CORIN: variants seen among roughly 807,000 people sequenced by gnomAD.
CORIN encodes atrial natriuretic peptide-converting enzyme.
In CORIN, 117 loss-of-function variants were observed where a neutral mutation model predicts 125.3. The observed-to-expected ratio is 0.93, with a 90% CI of 0.80 to 1.09. The LOEUF is 1.09. Ranked by LOEUF, CORIN falls within the 50% of genes least tolerant of loss-of-function variation. The pLI is 0.00. For synonymous variants in CORIN, 450 were observed against 466.4 expected, an observed-to-expected ratio of 0.96 and a Z score of 0.45; for missense variants, 1,253 against 1,306.7, an observed-to-expected ratio of 0.96 and a Z score of 0.63.
chr4:47,812,420 G>A (rs532087621), intron 1 of CORIN, among the ~76,000 whole-genome samples: 2 of 152,124 alleles, frequency 1.3e-5, no homozygotes, highest in Non-Finnish European at 2.9e-5. Context: ...TGGGAGGACT[G>A]CTTGAACCCA....
chr4:47,708,976 G>T (rs1461650281), intron 5 of CORIN, among the ~76,000 whole-genome samples: 1 of 152,190 alleles, frequency 6.6e-6, no homozygotes, highest in Non-Finnish European at 1.5e-5. Flanking sequence ...TGCTTTTGTA[G>T]CTATCAGCTA....
At position 47,665,244 on chromosome 4, in the gene CORIN, T is replaced by C. The variant is rs778162920; in HGVS notation, c.1377A>G (p.Thr459=). 3.1e-5 allele frequency: 50 copies of C among 1,613,280 alleles called. No individual in the cohort carries two copies. The highest frequency in any genetic ancestry group is 3.3e-4 in the Middle Eastern group (2 of 6,080). Reference sequence around the variant, plus strand: ...AGGGCAAATTCATGCAGAGTTCCAATGTAATTGGTTCACATTGACCTAACA... The same window carrying C: ...AGGGCAAATTCATGCAGAGTTCCAACGTAATTGGTTCACATTGACCTAACA... ...LNNCSQCEPI[T]LELCMNLPYN... is the part of the protein sequence containing the mutation. Residue 459 remains threonine (T), a synonymous_variant, in exon 11 of 22, where the codon ACA becomes ACG. Transcript: ENST00000273857.
At chr4:47,604,965 G>T (rs765451447) in intron 19 of CORIN, among the ~76,000 whole-genome samples, 3 of 152,192 alleles carry the variant, frequency 2.0e-5, no homozygotes, top group Non-Finnish European at 4.4e-5. Flanking sequence ...TACACCATAT[G>T]TTCATTCTCA....
At chr4:47,673,664 G>A (rs1724873861) in intron 10 of CORIN, among the ~76,000 whole-genome samples, 1 of 152,058 alleles carries the variant, frequency 6.6e-6, no homozygotes, top group African/African-American at 2.4e-5. Flanking sequence ...AGAGCCACCT[G>A]CTTACACCGT....
chr4:47,786,633 A>G (rs1730827638), intron 3 of CORIN, 92 bp downstream of exon 3: 3 of 915,518 alleles, frequency 3.3e-6, no homozygotes, highest in Non-Finnish European at 3.5e-6. Flanking sequence ...GTGACCGGCA[A>G]GTGATTGTGA....
At chr4:47,708,990 G>A (rs1726710120) in intron 5 of CORIN, among the ~76,000 whole-genome samples, 1 of 152,212 alleles carries the variant, frequency 6.6e-6, no homozygotes, top group Admixed American at 6.5e-5. Flanking sequence ...TCAGCTACAA[G>A]TGCTTGTGAC....
chr4:47,699,465 A>G (rs1189434735), intron 5 of CORIN, among the ~76,000 whole-genome samples: 2 of 152,238 alleles, frequency 1.3e-5, no homozygotes, highest in Non-Finnish European at 2.9e-5. Context: ...TTATATTCAC[A>G]GAAGATTTCC....
chr4:47,744,471 TA>T lies in CORIN; in HGVS notation c.729del (p.Phe243LeufsTer92). ...SWPDFLRCSQFRNQTESSNVS... is the reference protein window; with the variant it reads ...SWPDFLRCSQXRNQTESSNVS... Reference sequence around the variant, plus strand: ...ACATTGCTGCTTTCAGTTTGGTTTCTAAACTGGGAGCATCTGAGGAAATCCG... The same window carrying T: ...ACATTGCTGCTTTCAGTTTGGTTTCTAACTGGGAGCATCTGAGGAAATCCG... On this transcript the variant is annotated frameshift_variant, in exon 5 of 22. Transcript: ENST00000273857. LOFTEE classifies it high-confidence loss of function. 6.2e-7 allele frequency: 1 copy of T among 1,614,058 alleles called. No individual in the cohort carries two copies. Among genetic ancestry groups the T allele is most frequent in the Non-Finnish European group, 8.5e-7 (1 of 1,179,984 alleles).
chr4:47,778,964 T>C (rs1227104205), intron 3 of CORIN, among the ~76,000 whole-genome samples: 1 of 152,192 alleles, frequency 6.6e-6, no homozygotes, highest in Non-Finnish European at 1.5e-5. Context: ...AAAGAACCAA[T>C]GGCCCCTACA....
chr4:47,635,789 C>T (rs974082900), intron 16 of CORIN, among the ~76,000 whole-genome samples: 3 of 152,114 alleles, frequency 2.0e-5, no homozygotes, highest in African/African-American at 7.2e-5. Context: ...GTTTTGAAGA[C>T]AACATGAAAA....
At chr4:47,757,246 TA>T (rs1164853435) in intron 4 of CORIN, among the ~76,000 whole-genome samples, 1 of 152,096 alleles carries the variant, frequency 6.6e-6, no homozygotes, top group Non-Finnish European at 1.5e-5. Context: ...ACACATACAC[TA>T]AGTGACAGCA....
chr4:47,751,961 C>G (rs965958898), intron 4 of CORIN, among the ~76,000 whole-genome samples: 3 of 151,772 alleles, frequency 2.0e-5, no homozygotes, highest in Admixed American at 6.6e-5. Context: ...GTCAGGCCCC[C>G]CCACCCACAC....
At chr4:47,614,043 G>A (rs1721976038) in intron 19 of CORIN, among the ~76,000 whole-genome samples, 1 of 152,104 alleles carries the variant, frequency 6.6e-6, no homozygotes, top group Non-Finnish European at 1.5e-5. Context: ...AACAAAGTGG[G>A]AAAAATAAAA....
chr4:47,661,725 T>C lies in CORIN; in HGVS notation c.1721A>G (p.Asp574Gly), dbSNP rs763321941. 1.9e-6 allele frequency: 3 copies of C among 1,611,556 alleles called. No individual in the cohort carries two copies. The South Asian group carries it at 3.3e-5, about 18-fold the overall frequency. The change falls in exon 12 of 22, where the codon GAT (aspartate) becomes GGT (glycine). Residue 574 changes from aspartate to glycine, a missense_variant. Physicochemically the swap from Asp to Gly is moderately conservative, Grantham distance 94. Transcript: ENST00000273857. ...TTAAAATTAACCTTCCACATATTCA[T>C]CAGGCATCAGGCAGGTTTGATTGTC... The part of the protein sequence containing the change: ...NSDNQTCLMP[D>G]EYVEECSPSH...
chr4:47,775,590 G>A (rs1263254310), intron 3 of CORIN, among the ~76,000 whole-genome samples: 2 of 151,988 alleles, frequency 1.3e-5, no homozygotes, highest in Non-Finnish European at 2.9e-5. Context: ...GTGTATATAT[G>A]CCACATTTTC....
intron 9 of CORIN, among the ~76,000 whole-genome samples, chr4:47,675,273 G>A (rs1724963977): frequency 6.6e-6 from 1 of 152,142 alleles, no homozygotes; most frequent in Admixed American, 6.5e-5. Context: ...CATGTCATCT[G>A]GAATCTAGTC....
At chr4:47,766,572 G>A (rs1407705173) in intron 3 of CORIN, among the ~76,000 whole-genome samples, 2 of 152,080 alleles carry the variant, frequency 1.3e-5, no homozygotes, top group Admixed American at 6.5e-5. Flanking sequence ...AACTACAAAC[G>A]AAGGAGAATG....
chr4:47,625,859 A>G (rs537098257), intron 17 of CORIN, among the ~76,000 whole-genome samples: 1 of 152,298 alleles, frequency 6.6e-6, no homozygotes, highest in East Asian at 1.9e-4. Flanking sequence ...CTATAAAGTA[A>G]TAAGAACTTA....
rs13105608 is a variant in CORIN, at chr4:47,674,419, T to C, written c.1331A>G (p.Asp444Gly). 8.1e-6 allele frequency: 13 copies of C among 1,613,602 alleles called. No individual in the cohort carries two copies. Among genetic ancestry groups the C allele is most frequent in the African/African-American group, 1.3e-5 (1 of 75,020 alleles). Residue 444 changes from aspartate (D) to glycine (G), a missense_variant, in exon 10 of 22, where the codon GAC becomes GGC. Coordinates refer to ENST00000273857, the MANE Select transcript of CORIN (RefSeq NM_006587.4). ...LDSCGGSSLC[D>G]PNNSLNNCSQ... ...ACAGTTATTCAGACTGTTGTTCGGGTCACAGAGAGAGCTACCACCACATGA... is the reference window on the plus strand; with the variant it reads ...ACAGTTATTCAGACTGTTGTTCGGGCCACAGAGAGAGCTACCACCACATGA...
Sources: allele counts gnomAD v4.1 joint callset (sites outside exome capture counted in the v4.1 genomes callset), GRCh38; gene constraint gnomAD v4.1.1; transcripts MANE v1.5; gene names NCBI Gene and HGNC (gene_info 2026-07-23, HGNC 2026-07-21).